STRN3: variants seen among roughly 807,000 people sequenced by gnomAD.
The protein encoded by STRN3 is striatin-3.
STRN3 carries 29 observed loss-of-function variants against 95.6 expected under a neutral mutation model. The observed-to-expected ratio is 0.30, with a 90% CI of 0.23 to 0.41. The LOEUF is 0.41. Among genes scored for constraint, STRN3 ranks in the 10% least tolerant of loss-of-function variants. STRN3 has a pLI of 1.00. For synonymous variants in STRN3, 331 were observed against 357.6 expected, an observed-to-expected ratio of 0.93 and a Z score of 0.84; for missense variants, 890 against 972.1, an observed-to-expected ratio of 0.92 and a Z score of 1.12.
intron 8 of STRN3, among the ~76,000 whole-genome samples, chr14:30,926,011 T>C (rs1406533574): frequency 2.0e-5 from 3 of 152,102 alleles, no homozygotes; most frequent in Non-Finnish European, 4.4e-5. Context: ...CATTAGAAGT[T>C]TGTGATCCAT....
rs369236136 is a variant in STRN3, at chr14:30,913,854, A to G, written c.1241-197T>C. Among the ~76,000 whole-genome samples, 47 of 152,346 alleles carry G rather than the reference A, an allele frequency of 3.1e-4. 1 individual carries two copies. The East Asian group carries it at 8.9e-3, about 29-fold the overall frequency. ...TGGAACTGTGGTGTATTAACTGTCCACAAATAAAATGTGCACTAGATATAT... is the reference window on the plus strand; with the variant it reads ...TGGAACTGTGGTGTATTAACTGTCCGCAAATAAAATGTGCACTAGATATAT... On this transcript the variant is annotated intron_variant, in intron 9 of 17. Transcript: ENST00000357479.
chr14:31,017,526 T>C (rs998754753), intron 1 of STRN3, among the ~76,000 whole-genome samples: 2 of 150,822 alleles, frequency 1.3e-5, no homozygotes, highest in African/African-American at 4.9e-5. Context: ...AATCTAGAGA[T>C]TTAAAATATA....
chr14:31,000,516 T>TA (rs11292937), intron 1 of STRN3, among the ~76,000 whole-genome samples: 4 of 144,124 alleles, frequency 2.8e-5, no homozygotes, highest in Admixed American at 1.4e-4. Flanking sequence ...CAAGAATCTT[T>TA]AAAAAAAAAA....
chr14:30,909,219 T>C (rs1407576387), intron 13 of STRN3, among the ~76,000 whole-genome samples: 1 of 152,224 alleles, frequency 6.6e-6, no homozygotes, highest in African/African-American at 2.4e-5. Flanking sequence ...AGATGGGGTC[T>C]TGTGGCTGCA....
intron 10 of STRN3, 147 bp from the exon 11 acceptor site, chr14:30,912,329 A>C (rs560389556): frequency 2.4e-4 from 148 of 625,504 alleles, no homozygotes; most frequent in Admixed American, 3.9e-4. Flanking sequence ...GTACCTTTAA[A>C]ACTTTCTAAA....
intron 13 of STRN3, 138 bp downstream of exon 13, chr14:30,910,902 TA>T: frequency 1.1e-6 from 1 of 916,490 alleles, no homozygotes; most frequent in Non-Finnish European, 1.6e-6. Context: ...TTCTCTTTAA[TA>T]AAGCAATTTA....
chr14:30,916,977 T>C (rs925545109), intron 9 of STRN3, among the ~76,000 whole-genome samples: 3 of 152,194 alleles, frequency 2.0e-5, no homozygotes, highest in Non-Finnish European at 4.4e-5. Flanking sequence ...CTCAAGTCTT[T>C]AGCAGCAATA....
At position 30,918,990 on chromosome 14, in the gene STRN3, G is replaced by C. The variant is rs761202355; in HGVS notation, c.1216C>G (p.His406Asp). The change falls in exon 9 of 18, where the codon CAT becomes GAT. Residue 406 changes from histidine to aspartate, a missense_variant. This residue lies in a region of STRN3 where 526 missense variants were observed against 526.3 expected (regional missense o/e 1.00). Coordinates refer to ENST00000357479, the MANE Select transcript of STRN3 (RefSeq NM_001083893.2). ...SRSASTRMTD[H>D]EGARAEEAEP... is the part of the protein sequence containing the mutation. ...CCTTCCTCTGCTCTTGCACCTTCAT[G>C]ATCAGTCATTCTAGTAGAGGCTGAC... The C allele has an allele frequency of 3.1e-6, 5 of 1,596,594 alleles. No individual in the cohort carries two copies. Among genetic ancestry groups the C allele is most frequent in the Non-Finnish European group, 4.3e-6 (5 of 1,170,410 alleles).
At chr14:31,018,400 C>G (rs540503292) in intron 1 of STRN3, 1 of 369,180 alleles carries the variant, frequency 2.7e-6, no homozygotes, top group East Asian at 7.8e-5. Context: ...ATGAACAATA[C>G]CTGTGACAAG....
At chr14:30,951,673 T>C in intron 3 of STRN3, among the ~76,000 whole-genome samples, 1 of 152,236 alleles carries the variant, frequency 6.6e-6, no homozygotes. Flanking sequence ...ATATGGGGTC[T>C]ATATCAGTGG....
intron 8 of STRN3, among the ~76,000 whole-genome samples, chr14:30,927,379 A>T (rs72668356): frequency 0.24 from 36,502 of 151,762 alleles, 4,637 homozygotes; most frequent in South Asian, 0.45. Flanking sequence ...TAAAAAAAAA[A>T]TTTTAAGAAA....
chr14:30,975,578 G>A lies in STRN3; in HGVS notation c.283-19336C>T, dbSNP rs182261973. 1.3e-3 allele frequency among the ~76,000 whole-genome samples: 189 copies of A among 146,996 alleles called. 1 individual carries two copies. The highest frequency in any genetic ancestry group is 2.1e-3 in the Non-Finnish European group (143 of 66,708). On this transcript the variant is annotated intron_variant, in intron 1 of 17. Transcript: ENST00000357479. ...AAAAAGAAGAAGAAAGAAAGAGAAC[G>A]AAAGAAAGAAAGAAAAGAAAAGAAA...
At chr14:30,953,819 G>A (rs769492652) in intron 3 of STRN3, among the ~76,000 whole-genome samples, 3 of 152,114 alleles carry the variant, frequency 2.0e-5, no homozygotes, top group Non-Finnish European at 4.4e-5. Context: ...TTGTAGAGAT[G>A]AGGTTTTGCC....
chr14:30,932,405 T>C (rs1416759929), intron 7 of STRN3: 2 of 152,178 alleles, frequency 1.3e-5, no homozygotes. Context: ...GACTATAACA[T>C]CTTGTTGAGT....
At chr14:30,895,938 C>T (rs534976897) in intron 16 of STRN3, among the ~76,000 whole-genome samples, 190 bp from the exon 17 acceptor site, 5 of 152,318 alleles carry the variant, frequency 3.3e-5, no homozygotes, top group Non-Finnish European at 7.4e-5. Context: ...AGAACATTCA[C>T]AATGTTACAC....
chr14:30,995,454 A>G (rs1882154244), intron 1 of STRN3, among the ~76,000 whole-genome samples: 1 of 152,192 alleles, frequency 6.6e-6, no homozygotes, highest in Non-Finnish European at 1.5e-5. Context: ...TCTTGTTCTT[A>G]GCTTCCTCAT....
At chr14:31,011,140 T>C (rs939469512) in intron 1 of STRN3, among the ~76,000 whole-genome samples, 2 of 152,190 alleles carry the variant, frequency 1.3e-5, no homozygotes, top group African/African-American at 2.4e-5. Flanking sequence ...CCCAGAAAGT[T>C]TGTTTTCATT....
At chr14:30,912,359 A>G in intron 10 of STRN3, 177 bp from the exon 11 acceptor site, 2 of 486,486 alleles carry the variant, frequency 4.1e-6, no homozygotes, top group African/African-American at 2.0e-5. Context: ...TCATTTAATA[A>G]TAACTCAGAA....
At chr14:30,904,733 TGATAAAAG>T in intron 15 of STRN3, among the ~76,000 whole-genome samples, 1 of 152,054 alleles carries the variant, frequency 6.6e-6, no homozygotes, top group Non-Finnish European at 1.5e-5. Context: ...TACTCACCTC[TGATAAAAG>T]CTTACAAATT....
Sources: gnomAD v4.1 joint callset for allele counts (sites outside exome capture counted in the v4.1 genomes callset) on GRCh38, gnomAD v4.1.1 for gene constraint, gnomAD v4.1.1 regional missense constraint, MANE v1.5 for transcripts, NCBI Gene and HGNC (gene_info 2026-07-23, HGNC 2026-07-21) for gene names.